The following PRICKLE3 variants were observed in gnomAD, a reference collection of about 807,000 sequenced individuals.
The protein encoded by PRICKLE3 is prickle planar cell polarity protein 3.
In PRICKLE3, 17 loss-of-function variants were observed where a neutral mutation model predicts 33.8. The ratio of observed to expected loss-of-function variants is 0.50; its 90% CI spans 0.34 to 0.75. PRICKLE3 has a LOEUF of 0.75. Among genes scored for constraint, PRICKLE3 ranks in the 30% least tolerant of loss-of-function variants. The pLI is 0.01. For synonymous variants in PRICKLE3, 211 were observed against 219.6 expected, an observed-to-expected ratio of 0.96 and a Z score of 0.34; for missense variants, 573 against 576.7, an observed-to-expected ratio of 0.99 and a Z score of 0.07.
Position 49,175,469 on chromosome X carries a change from C to T in PRICKLE3, c.*204G>A, listed in dbSNP as rs1557099739. ...CCAAAACTTTTGAGGCTGCAGTGAG[C>T]CCTGATCACACCACTGCACTCCAGC... On this transcript the variant is annotated 3_prime_UTR_variant, in exon 9 of 9. Transcript: ENST00000599218. The T allele has an allele frequency of 4.6e-6, 2 of 436,225 alleles. No individual in the cohort carries two copies. Among genetic ancestry groups the T allele is most frequent in the Non-Finnish European group, 7.8e-6 (2 of 257,583 alleles). The allele number at this position is 436,225 out of a possible 1,213,427, so 35.9% of individuals were successfully genotyped here.
chrX:49,184,626 T>C lies in PRICKLE3; in HGVS notation c.127A>G (p.Arg43Gly). ...AGGCCCTTTAGGGGCGCCACTTACC[T>C]CCAGCCGTGGAGCAGGAAGCCAGGG... ...QCPGFLLHGW[R>G]KICQHCKCPR... Residue 43 changes from arginine (R) to glycine (G), a missense_variant and splice_region_variant, in exon 2 of 9, where the codon AGA (arginine) becomes GGA (glycine). Arg to Gly is a moderately radical substitution (Grantham distance 125, BLOSUM62 -2). Transcript: ENST00000599218. 9.1e-7 allele frequency: 1 copy of C among 1,102,142 alleles called. No individual in the cohort carries two copies. The highest frequency in any genetic ancestry group is 1.2e-6 in the Non-Finnish European group (1 of 838,950). The allele number at this position is 1,102,142 out of a possible 1,213,427, so 90.8% of individuals were successfully genotyped here.
intron 2 of PRICKLE3, 121 bp from the exon 3 acceptor site, chrX:49,184,038 G>T: frequency 1.1e-6 from 1 of 919,315 alleles, no homozygotes; most frequent in Non-Finnish European, 1.5e-6. Flanking sequence ...CTGTGAGCAG[G>T]GACAGGGATC....
chrX:49,184,512 T>G, intron 2 of PRICKLE3, 113 bp downstream of exon 2: 6 of 696,611 alleles, frequency 8.6e-6, no homozygotes, highest in Non-Finnish European at 1.2e-5. Flanking sequence ...TTTTCCCAAC[T>G]GAGATCCCTC....
At chrX:49,181,560 TAC>T (rs1557101114) in intron 3 of PRICKLE3, among the ~76,000 whole-genome samples, 6 of 3,575 alleles carry the variant, frequency 1.7e-3, no homozygotes, top group African/African-American at 4.1e-3. Flanking sequence ...TGTATATATA[TAC>T]ACGTATATAT....
chrX:49,175,509 A>G lies in PRICKLE3; in HGVS notation c.*164T>C. ...TGCACTCCAGCCTGGGCAATAGGGT[A>G]GACCAAGTCTCTAAAACAGAAACAA... On this transcript the variant is annotated 3_prime_UTR_variant, in exon 9 of 9. Coordinates refer to ENST00000599218, the MANE Select transcript of PRICKLE3 (RefSeq NM_006150.5). 2.0e-6 allele frequency: 1 copy of G among 509,630 alleles called. No homozygotes were observed. The allele number at this position is 509,630 out of a possible 1,213,427, so 42.0% of individuals were successfully genotyped here. A position where few individuals can be genotyped will look rare whatever the true frequency, so the allele number is the denominator to read the frequency against.
In PRICKLE3 at chrX:49,186,364, C is replaced by T; in HGVS notation, c.-67G>A. ...TGTAATCCTTGCGACCGTCAGGCCA[C>T]CGCGCGTCCGGCCTGGGAACTCGGT... On this transcript the variant is annotated 5_prime_UTR_variant, in exon 1 of 9. The change creates a new upstream start codon in the 5' untranslated region. Coordinates refer to ENST00000599218, the MANE Select transcript of PRICKLE3 (RefSeq NM_006150.5). 1 of 1,012,169 alleles carries T rather than the reference C, an allele frequency of 9.9e-7. No individual in the cohort carries two copies. The highest frequency in any genetic ancestry group is 2.0e-5 in the African/African-American group (1 of 51,084). The allele number at this position is 1,012,169 out of a possible 1,213,427, so 83.4% of individuals were successfully genotyped here.
intron 5 of PRICKLE3, among the ~76,000 whole-genome samples, chrX:49,178,773 A>C (rs1244969073): frequency 1.8e-5 from 2 of 112,027 alleles, no homozygotes; most frequent in African/African-American, 3.2e-5. Context: ...GGCCAGGCCT[A>C]GTGGGGGAAA....
At chrX:49,178,527 C>T (rs782486567) in intron 5 of PRICKLE3, 52 bp from the exon 6 acceptor site, 1 of 1,124,368 alleles carries the variant, frequency 8.9e-7, no homozygotes, top group Admixed American at 2.3e-5. Flanking sequence ...CCAAGATGGT[C>T]AGATGGATGG....
Position 49,179,301 on chromosome X carries a change from C to T in PRICKLE3, c.514G>A (p.Gly172Ser). The change falls in exon 5 of 9, where the codon GGC (glycine) becomes AGC (serine). Residue 172 changes from glycine (G) to serine (S), a missense_variant. Transcript: ENST00000599218. ...GTCACCGGGAAGATGCGCACGATGC[C>T]ACGCCCCAGATTCTCCCGCTTCCGC... ...QQRKRENLGR[G>S]IVRIFPVTIT... 8.3e-7 allele frequency: 1 copy of T among 1,211,451 alleles called. No individual in the cohort carries two copies. Among genetic ancestry groups the T allele is most frequent in the Non-Finnish European group, 1.1e-6 (1 of 895,314 alleles).
intron 5 of PRICKLE3, 118 bp from the exon 6 acceptor site, chrX:49,178,593 G>T: frequency 1.3e-6 from 1 of 743,357 alleles, no homozygotes; most frequent in Non-Finnish European, 2.0e-6. Context: ...TTTGTGATCA[G>T]CCCCACCCAT....
intron 7 of PRICKLE3, among the ~76,000 whole-genome samples, chrX:49,177,743 C>T (rs781908152): frequency 1.2e-4 from 13 of 111,998 alleles, no homozygotes; most frequent in African/African-American, 3.9e-4. Flanking sequence ...TTAGAGCACC[C>T]TCTGGAGGTG....
At chrX:49,180,514 T>C (rs1602601000) in intron 3 of PRICKLE3, among the ~76,000 whole-genome samples, 2 of 111,359 alleles carry the variant, frequency 1.8e-5, no homozygotes, top group East Asian at 5.6e-4. Flanking sequence ...AAAATCATTG[T>C]TCAGGTCTCA....
At position 49,179,243 on chromosome X, in the gene PRICKLE3, C is replaced by A. The variant is rs782361947; in HGVS notation, c.564+8G>T. On this transcript the variant is annotated splice_region_variant and intron_variant, in intron 5 of 8. Coordinates refer to ENST00000599218, the MANE Select transcript of PRICKLE3 (RefSeq NM_006150.5). ...ACTGCTCACTCGCTGAGGCCCTCCA[C>A]GGCTCACCTCCTCACAGATGGCCCC... 1.7e-6 allele frequency: 2 copies of A among 1,209,392 alleles called. No individual in the cohort carries two copies. Among genetic ancestry groups the A allele is most frequent in the Non-Finnish European group, 2.2e-6 (2 of 894,117 alleles).
intron 7 of PRICKLE3, among the ~76,000 whole-genome samples, chrX:49,177,465 T>C (rs2065425551): frequency 8.9e-6 from 1 of 112,432 alleles, no homozygotes; most frequent in Non-Finnish European, 1.9e-5. Flanking sequence ...GGGTGGGCAT[T>C]GGACTCTAAG....
chrX:49,174,995 C>T lies in PRICKLE3; in HGVS notation c.*678G>A, dbSNP rs2065407299. 2.4e-6 allele frequency: 1 copy of T among 421,461 alleles called. No individual in the cohort carries two copies. The highest frequency in any genetic ancestry group is 6.5e-4 in the Middle Eastern group (1 of 1,533). 34.7% of individuals were successfully genotyped at this position (421,461 alleles called of 1,213,427 possible). A position where few individuals can be genotyped will look rare whatever the true frequency, so the allele number is the denominator to read the frequency against. On this transcript the variant is annotated 3_prime_UTR_variant, in exon 9 of 9. Coordinates refer to ENST00000599218, the MANE Select transcript of PRICKLE3 (RefSeq NM_006150.5). The stretch of plus-strand genomic sequence containing the variant: ...AAGTGGGGAGTTAGATTTCAGAGTC[C>T]AGGCCCTAGGTTGGGACCCACTCCA...
intron 5 of PRICKLE3, 25 bp downstream of exon 5, chrX:49,179,226 C>T (rs2065435644): frequency 3.3e-6 from 4 of 1,203,652 alleles, no homozygotes; most frequent in Non-Finnish European, 4.5e-6. Flanking sequence ...GCACTGCTCA[C>T]TCGCTGAGGC....
intron 3 of PRICKLE3, among the ~76,000 whole-genome samples, chrX:49,180,916 G>A (rs1013004749): frequency 4.5e-5 from 5 of 110,874 alleles, no homozygotes; most frequent in African/African-American, 1.6e-4. Context: ...ATGTCTAACA[G>A]GCATCTCAAA....
Position 49,175,125 on chromosome X carries a change from G to T in PRICKLE3, c.*548C>A. ...TAAAGTAATCCTTTCATCAAATGTG[G>T]GTAAATTTCAAGCATCAGGAGGGGG... On this transcript the variant is annotated 3_prime_UTR_variant, in exon 9 of 9. Transcript: ENST00000599218. 4.9e-6 allele frequency: 1 copy of T among 202,042 alleles called. No homozygotes were observed. The highest frequency in any genetic ancestry group is 9.1e-6 in the Non-Finnish European group (1 of 110,194). 16.7% of individuals were successfully genotyped at this position (202,042 alleles called of 1,213,427 possible). A position where few individuals can be genotyped will look rare whatever the true frequency, so the allele number is the denominator to read the frequency against.
At chrX:49,183,523 T>G (rs1427332987) in intron 3 of PRICKLE3, 9 of 805,337 alleles carry the variant, frequency 1.1e-5, no homozygotes, top group Non-Finnish European at 1.4e-5. Context: ...AGGATTGGGG[T>G]GAACAGGCCC....
Sources: gnomAD v4.1 joint callset for allele counts (sites outside exome capture counted in the v4.1 genomes callset) on GRCh38, gnomAD v4.1.1 for gene constraint, MANE v1.5 for transcripts, NCBI Gene and HGNC (gene_info 2026-07-23, HGNC 2026-07-21) for gene names.